Variants in RGL3 observed in about 807,000 individuals in gnomAD.
RGL3 encodes ral guanine nucleotide dissociation stimulator-like 3.
Under a neutral mutation model 90.6 loss-of-function variants are expected in RGL3, and 85 were observed. The ratio of observed to expected loss-of-function variants is 0.94; its 90% confidence interval spans 0.79 to 1.12. RGL3 has a LOEUF of 1.12. Among genes scored for constraint, RGL3 ranks in the 50% most tolerant of loss-of-function variants. The probability of loss-of-function intolerance (pLI) is 0.00; values close to 1 mark genes in which losing one functional copy is unlikely to be tolerated. For synonymous variants in RGL3, 408 were observed against 385.5 expected (o/e 1.06, Z -0.68); for missense variants, 1,034 against 939.2 (o/e 1.10, Z -1.32).
intron 18 of RGL3, among the ~76,000 whole-genome samples, chr19:11,395,415 A>C (rs181153141): frequency 6.6e-6 from 1 of 152,012 alleles, no homozygotes; most frequent in Non-Finnish European, 1.5e-5. Context: ...GGACAATCTC[A>C]TGCTTCCGCG....
At position 11,400,304 on chromosome 19, in the gene RGL3, G is replaced by A. The variant is rs759976188; in HGVS notation, c.1485-7C>T. The A allele has an allele frequency of 1.9e-6, 3 of 1,572,872 alleles. No homozygotes were observed. The highest frequency in any genetic ancestry group is 2.6e-6 in the Non-Finnish European group (3 of 1,159,222). ...GACCCGGGAGAGCCGGTAGCTGAGG[G>A]GTCAATATGTGGATGAGGTGGTGGG... On this transcript the variant is annotated splice_polypyrimidine_tract_variant and splice_region_variant and intron_variant, in intron 13 of 18. Transcript: ENST00000380456.
chr19:11,410,264 G>A (rs1485249577), intron 5 of RGL3, among the ~76,000 whole-genome samples: 3 of 151,546 alleles, frequency 2.0e-5, no homozygotes, highest in Non-Finnish European at 4.4e-5. Flanking sequence ...GCTTCCCAAC[G>A]TGCTGGGATT....
chr19:11,394,354 G>T lies in RGL3; in HGVS notation c.*48C>A, dbSNP rs372340007. ...ATGGCAGCTTTCCAGGAGAAGAGTC[G>T]CAAGCTTGCCTGTGGGACTTGTGTC... On this transcript the variant is annotated 3_prime_UTR_variant, in exon 19 of 19. Transcript: ENST00000380456. The T allele has an allele frequency of 1.4e-6, 2 of 1,450,962 alleles. No homozygotes were observed. Among genetic ancestry groups the T allele is most frequent in the Non-Finnish European group, 1.9e-6 (2 of 1,031,940 alleles). 89.9% of individuals were successfully genotyped at this position (1,450,962 alleles called of 1,614,324 possible).
chr19:11,400,661 G>A (rs1038825473), intron 13 of RGL3, among the ~76,000 whole-genome samples: 2 of 151,802 alleles, frequency 1.3e-5, no homozygotes, highest in African/African-American at 4.8e-5. Flanking sequence ...AAACCAGCCT[G>A]GCCAATATAG....
At chr19:11,397,656 G>A in intron 16 of RGL3, 59 bp from the exon 17 acceptor site, 2 of 1,443,306 alleles carry the variant, frequency 1.4e-6, no homozygotes, top group Non-Finnish European at 1.8e-6. Context: ...CTGAGGGCTA[G>A]AAAAGCACGA....
In RGL3 at chr19:11,415,916, C is replaced by A. The variant is rs768724820; in HGVS notation, c.637+21G>T. On this transcript the variant is annotated intron_variant, in intron 5 of 18. Transcript: ENST00000380456. ...CAGGAAAGGCCTTCTCAGAACACGACTGGATCTGAAAACCCCTCACCTGTC... is the reference window on the plus strand; with the variant it reads ...CAGGAAAGGCCTTCTCAGAACACGAATGGATCTGAAAACCCCTCACCTGTC... 58 of 1,598,754 alleles carry A rather than the reference C, an allele frequency of 3.6e-5. No individual in the cohort carries two copies. The Middle Eastern group carries it at 1.7e-3, about 47-fold the overall frequency.
rs538156158 is a variant in RGL3, at chr19:11,395,516, A to G, written c.2015-996T>C. Among the ~76,000 whole-genome samples, 4 of 152,274 alleles carry G rather than the reference A, an allele frequency of 2.6e-5. No individual in the cohort carries two copies. The South Asian group carries it at 8.3e-4, about 32-fold the overall frequency. On this transcript the variant is annotated intron_variant, in intron 18 of 18. Coordinates refer to ENST00000380456, the MANE Select transcript of RGL3 (RefSeq NM_001035223.4). ...TTAGTTCTCACAAATCTAAGCCCAGATGCCCTTTAGTCTCCCATCCCATCA... is the reference window on the plus strand; with the variant it reads ...TTAGTTCTCACAAATCTAAGCCCAGGTGCCCTTTAGTCTCCCATCCCATCA...
chr19:11,401,224 CTA>C (rs1222027852), intron 13 of RGL3, among the ~76,000 whole-genome samples: 141 of 146,818 alleles, frequency 9.6e-4, no homozygotes, highest in African/African-American at 3.5e-3. Flanking sequence ...TCAATTGTGA[CTA>C]TTTTTTTTTT....
intron 5 of RGL3, among the ~76,000 whole-genome samples, chr19:11,415,568 C>A (rs959553895): frequency 1.3e-5 from 2 of 152,080 alleles, no homozygotes; most frequent in African/African-American, 4.8e-5. Context: ...CTCCGCCTCC[C>A]GGGTTCAAAC....
Position 11,416,826 on chromosome 19 carries a change from C to A in RGL3, c.371+10G>T. 6.2e-6 allele frequency: 10 copies of A among 1,612,516 alleles called. No homozygotes were observed. Among genetic ancestry groups the A allele is most frequent in the Non-Finnish European group, 8.5e-6 (10 of 1,179,126 alleles). On this transcript the variant is annotated intron_variant, in intron 3 of 18. Transcript: ENST00000380456. ...GGTGGAGAATACGGAGGTTATGGTT[C>A]GCTACTGACCCGGGAGGTGGGGGCG...
At position 11,415,472 on chromosome 19, in the gene RGL3, C is replaced by T. The variant is rs1968976451; in HGVS notation, c.637+465G>A. ...ATTAGACACATGCTAATACTTCAGACAAAGAATTTGTTTTTTTTTTTAGAC... is the reference window on the plus strand; with the variant it reads ...ATTAGACACATGCTAATACTTCAGATAAAGAATTTGTTTTTTTTTTTAGAC... On this transcript the variant is annotated intron_variant, in intron 5 of 18. Transcript: ENST00000380456. 1.3e-5 allele frequency among the ~76,000 whole-genome samples: 2 copies of T among 151,886 alleles called. 1 individual carries two copies. Among genetic ancestry groups the T allele is most frequent in the South Asian group, 4.2e-4 (2 of 4,818 alleles).
At chr19:11,409,413 G>A (rs1968837168) in intron 5 of RGL3, among the ~76,000 whole-genome samples, 2 of 152,032 alleles carry the variant, frequency 1.3e-5, no homozygotes, top group Non-Finnish European at 2.9e-5. Context: ...CCGGCGAGGC[G>A]GAGCTTGCAG....
chr19:11,409,130 C>T (rs1163201359), intron 5 of RGL3, among the ~76,000 whole-genome samples: 3 of 149,612 alleles, frequency 2.0e-5, no homozygotes, highest in East Asian at 2.0e-4. Context: ...GCCAGGTCCA[C>T]GCCACGGCAC....
Position 11,402,082 on chromosome 19 carries a change from G to A in RGL3, c.1413C>T (p.Ser471=). 2 of 1,592,256 alleles carry A rather than the reference G, an allele frequency of 1.3e-6. No individual in the cohort carries two copies. Among genetic ancestry groups the A allele is most frequent in the South Asian group, 2.3e-5 (2 of 86,266 alleles). ...TGGGCGGGTGGGGGCTCAGGGTGTA[G>A]CTCTGACAGCGCCTCTGCAGCTGCT... is the stretch of plus-strand genomic sequence containing the variant. ...RIQQLQRRCQ[S]YTLSPHPPIL... Residue 471 remains serine (S), a synonymous_variant, in exon 13 of 19, where the codon AGC becomes AGT. Coordinates refer to ENST00000380456, the MANE Select transcript of RGL3 (RefSeq NM_001035223.4).
chr19:11,405,287 G>A (rs371911018), intron 8 of RGL3, 36 bp downstream of exon 8: 9 of 1,611,440 alleles, frequency 5.6e-6, no homozygotes, highest in Non-Finnish European at 7.6e-6. Context: ...GGTCAGACCT[G>A]GGATGGGCTG....
chr19:11,414,324 C>T (rs1343230131), intron 5 of RGL3, among the ~76,000 whole-genome samples: 3 of 49,038 alleles, frequency 6.1e-5, no homozygotes, highest in Non-Finnish European at 1.0e-4. Context: ...TATATACCTT[C>T]ATATATATAT....
At chr19:11,414,499 A>ACACC (rs1968952346) in intron 5 of RGL3, among the ~76,000 whole-genome samples, 1 of 73,688 alleles carries the variant, frequency 1.4e-5, no homozygotes, top group African/African-American at 5.2e-5. Flanking sequence ...TCATATATAT[A>ACACC]TATATATATA....
chr19:11,397,266 A>C lies in RGL3; in HGVS notation c.1992T>G (p.Phe664Leu). 6.2e-7 allele frequency: 1 copy of C among 1,613,980 alleles called. No homozygotes were observed. Among genetic ancestry groups the C allele is most frequent in the Non-Finnish European group, 8.5e-7 (1 of 1,179,986 alleles). Residue 664 changes from phenylalanine (F) to leucine (L), a missense_variant, in exon 18 of 19, where the codon TTT (phenylalanine) becomes TTG (leucine). Coordinates refer to ENST00000380456, the MANE Select transcript of RGL3 (RefSeq NM_001035223.4). ...CACCCCGGTCCCCAGGAAGGACTTG[A>C]AAGAGCTGATAGTCACAGGCCCAGG... ...PQPWACDYQLFQVLPGDRVLL... is the reference protein window; with the variant it reads ...PQPWACDYQLLQVLPGDRVLL...
chr19:11,416,656 T>C lies in RGL3; in HGVS notation c.383A>G (p.Lys128Arg). 1.2e-6 allele frequency: 2 copies of C among 1,614,114 alleles called. No homozygotes were observed. The highest frequency in any genetic ancestry group is 8.5e-7 in the Non-Finnish European group (1 of 1,180,006). ...GCTCAGATCTTGTACCGCTGTCTTC[T>C]TGATCTCTACCCTGGGAAGAGGCCC... is the stretch of plus-strand genomic sequence containing the variant. Reference protein sequence around the residue: ...PPPPPPGVEIKKTAVQDLSFN... With the variant: ...PPPPPPGVEIRKTAVQDLSFN... The change falls in exon 4 of 19, where the codon AAG becomes AGG. Residue 128 changes from lysine to arginine, a missense_variant. By Grantham distance (26) the Lys-to-Arg change is conservative (BLOSUM62 2). Coordinates refer to ENST00000380456, the MANE Select transcript of RGL3 (RefSeq NM_001035223.4).
Sources: allele counts gnomAD v4.1 joint callset (sites outside exome capture counted in the v4.1 genomes callset), GRCh38; gene constraint gnomAD v4.1.1; transcripts MANE v1.5; gene names NCBI Gene and HGNC (gene_info 2026-07-23, HGNC 2026-07-21).